MAP3K5: variants seen among roughly 807,000 people sequenced by gnomAD.
MAP3K5 encodes mitogen-activated protein kinase kinase kinase 5.
MAP3K5 carries 56 observed loss-of-function variants against 158.7 expected under a neutral mutation model. That is an observed-to-expected ratio of 0.35 (90% confidence interval 0.28 to 0.44). MAP3K5 has a LOEUF of 0.44. Among genes scored for constraint, MAP3K5 ranks in the 20% least tolerant of loss-of-function variants. MAP3K5 has a pLI of 1.00. For synonymous variants in MAP3K5, 579 were observed against 601.7 expected (o/e 0.96, Z 0.55); for missense variants, 1,294 against 1,674.8 (o/e 0.77, Z 3.97).
At chr6:136,591,714 C>T (rs1000281504) in intron 23 of MAP3K5, among the ~76,000 whole-genome samples, 2 of 152,186 alleles carry the variant, frequency 1.3e-5, no homozygotes, top group Non-Finnish European at 2.9e-5. Flanking sequence ...GCCCTTCACC[C>T]TCCTTTTAAA....
At chr6:136,647,239 C>T (rs1778301716) in intron 11 of MAP3K5, among the ~76,000 whole-genome samples, 1 of 152,194 alleles carries the variant, frequency 6.6e-6, no homozygotes, top group African/African-American at 2.4e-5. Flanking sequence ...GCTACACTAG[C>T]AACCATTATG....
At chr6:136,622,812 C>T in intron 15 of MAP3K5, 36 bp downstream of exon 15, 1 of 1,604,686 alleles carries the variant, frequency 6.2e-7, no homozygotes, top group Admixed American at 1.7e-5. Flanking sequence ...ACCCAAAGTA[C>T]TACAGAACAG....
chr6:136,580,423 A>G lies in MAP3K5; in HGVS notation c.3412-17T>C. ...TTTATTGACCTGGAGAGAGAGTGAC[A>G]TTTAGCCTACTTTAATTTTTAATTG... On this transcript the variant is annotated splice_polypyrimidine_tract_variant and intron_variant, in intron 24 of 29. Coordinates refer to ENST00000359015, the MANE Select transcript of MAP3K5 (RefSeq NM_005923.4). The G allele has an allele frequency of 6.6e-7, 1 of 1,518,594 alleles. No individual in the cohort carries two copies. The highest frequency in any genetic ancestry group is 9.1e-7 in the Non-Finnish European group (1 of 1,095,670). 94.1% of individuals were successfully genotyped at this position (1,518,594 alleles called of 1,614,324 possible). A position where few individuals can be genotyped will look rare whatever the true frequency, so the allele number is the denominator to read the frequency against.
intron 19 of MAP3K5, among the ~76,000 whole-genome samples, chr6:136,603,176 CT>C (rs397962146): frequency 3.4e-3 from 472 of 139,292 alleles, no homozygotes; most frequent in Middle Eastern, 3.7e-3. Context: ...TATACAGGTA[CT>C]TTTTTTTTTT....
At chr6:136,745,117 C>A (rs117969752) in intron 1 of MAP3K5, among the ~76,000 whole-genome samples, 1 of 148,308 alleles carries the variant, frequency 6.7e-6, no homozygotes, top group East Asian at 2.0e-4. Flanking sequence ...AGGGCAGCAG[C>A]GGGCATACAC....
At position 136,720,381 on chromosome 6, in the gene MAP3K5, T is replaced by C. The variant is rs1781697869; in HGVS notation, c.588+69A>G. On this transcript the variant is annotated intron_variant, in intron 2 of 29. Transcript: ENST00000359015. ...CACAAATAAAAGCTACTTAAAATGT[T>C]TGGATGACAAACCGGTATCCCTGAA... The C allele has an allele frequency of 7.2e-6, 10 of 1,381,414 alleles. No individual in the cohort carries two copies. The South Asian group carries it at 1.6e-4, about 22-fold the overall frequency. The allele number at this position is 1,381,414 out of a possible 1,614,324, so 85.6% of individuals were successfully genotyped here.
At chr6:136,791,618 G>A in intron 1 of MAP3K5, 92 bp downstream of exon 1, 12 of 1,398,138 alleles carry the variant, frequency 8.6e-6, no homozygotes, top group Non-Finnish European at 1.2e-5. Flanking sequence ...AGAAGTAAAT[G>A]CTTCCCGCCC....
At chr6:136,608,017 G>A (rs780410562) in intron 18 of MAP3K5, among the ~76,000 whole-genome samples, 2 of 152,168 alleles carry the variant, frequency 1.3e-5, no homozygotes, top group African/African-American at 2.4e-5. Flanking sequence ...GGACATCTGC[G>A]TTGAGACTGG....
chr6:136,602,402 A>C (rs1005871913), intron 19 of MAP3K5, among the ~76,000 whole-genome samples: 2 of 152,144 alleles, frequency 1.3e-5, no homozygotes, highest in Non-Finnish European at 2.9e-5. Flanking sequence ...TCCCAGGCTC[A>C]AGCGAGTCTT....
In MAP3K5 at chr6:136,561,577, C is replaced by T. The variant is rs41288957; in HGVS notation, c.3943G>A (p.Asp1315Asn). 8.4e-3 allele frequency: 13,593 copies of T among 1,613,714 alleles called. 80 individuals carry two copies. The highest frequency in any genetic ancestry group is 0.014 in the South Asian group (1,245 of 91,040). The change falls in exon 28 of 30, where the codon GAC becomes AAC. Residue 1315 changes from aspartate to asparagine, a missense_variant. By Grantham distance (23) the Asp-to-Asn change is conservative (BLOSUM62 1). Coordinates refer to ENST00000359015, the MANE Select transcript of MAP3K5 (RefSeq NM_005923.4). ...TCAGCTCCATTCACTCTCAGCCAGT[C>T]GGTAAGTTCAGAATCTTCAGTATTT... ...GTNTEDSELT[D>N]WLRVNGADED...
At chr6:136,669,814 T>C (rs1779397719) in intron 7 of MAP3K5, among the ~76,000 whole-genome samples, 1 of 152,116 alleles carries the variant, frequency 6.6e-6, no homozygotes, top group South Asian at 2.1e-4. Flanking sequence ...TGTAGAAGCA[T>C]GTTAAAAGTC....
At chr6:136,611,997 T>C (rs1041696302) in intron 17 of MAP3K5, among the ~76,000 whole-genome samples, 11 of 152,258 alleles carry the variant, frequency 7.2e-5, no homozygotes, top group African/African-American at 2.6e-4. Context: ...TCAGATGGCA[T>C]CACCCAGACC....
At position 136,601,960 on chromosome 6, in the gene MAP3K5, T is replaced by C. The variant is rs1775895658; in HGVS notation, c.2699A>G (p.His900Arg). 1.9e-6 allele frequency: 3 copies of C among 1,613,706 alleles called. No individual in the cohort carries two copies. The highest frequency in any genetic ancestry group is 2.5e-6 in the Non-Finnish European group (3 of 1,179,928). The change falls in exon 20 of 30, where the codon CAC becomes CGC. Residue 900 changes from histidine (H) to arginine (R), a missense_variant. Coordinates refer to ENST00000359015, the MANE Select transcript of MAP3K5 (RefSeq NM_005923.4). ...AMFKVGMFKV[H>R]PEIPESMSAE... ...AGACATGGACTCTGGGATCTCAGGG[T>C]GGACTTTAAACATTCCCACCTAAGA...
At chr6:136,747,095 A>G (rs1253180893) in intron 1 of MAP3K5, among the ~76,000 whole-genome samples, 1 of 152,034 alleles carries the variant, frequency 6.6e-6, no homozygotes, top group African/African-American at 2.4e-5. Context: ...CTAATTTTTA[A>G]ATCTTTGTAG....
At chr6:136,580,250 T>C (rs1774809438) in intron 25 of MAP3K5, 51 bp downstream of exon 25, 1 of 1,185,350 alleles carries the variant, frequency 8.4e-7, no homozygotes, top group Non-Finnish European at 1.3e-6. Flanking sequence ...TGAACAGTAA[T>C]CTAAAATATC....
intron 25 of MAP3K5, among the ~76,000 whole-genome samples, chr6:136,578,772 G>A (rs1774733082): frequency 6.6e-6 from 1 of 152,110 alleles, no homozygotes; most frequent in South Asian, 2.1e-4. Flanking sequence ...TCGCTCTCAT[G>A]TCAAACACCC....
intron 7 of MAP3K5, among the ~76,000 whole-genome samples, chr6:136,688,862 C>T (rs1409772065): frequency 6.6e-6 from 1 of 152,118 alleles, no homozygotes; most frequent in Non-Finnish European, 1.5e-5. Context: ...TTGTCACATA[C>T]GAAAGCATTT....
intron 7 of MAP3K5, among the ~76,000 whole-genome samples, chr6:136,689,077 A>C (rs931296387): frequency 1.3e-5 from 2 of 152,212 alleles, no homozygotes; most frequent in Admixed American, 6.5e-5. Flanking sequence ...AGGCAGGAGG[A>C]TCACTTGAGG....
intron 7 of MAP3K5, among the ~76,000 whole-genome samples, chr6:136,690,099 A>C (rs1043070797): frequency 6.6e-6 from 1 of 152,096 alleles, no homozygotes; most frequent in African/African-American, 2.4e-5. Flanking sequence ...GAAATAAAAT[A>C]TTTTTAATAT....
Sources: allele counts gnomAD v4.1 joint callset (sites outside exome capture counted in the v4.1 genomes callset), GRCh38; gene constraint gnomAD v4.1.1; transcripts MANE v1.5; gene names NCBI Gene and HGNC (gene_info 2026-07-23, HGNC 2026-07-21).